Variants in PCDHGA12 observed in about 807,000 individuals in gnomAD.
PCDHGA12 encodes the protein protocadherin gamma-A12.
PCDHGA12 carries 43 observed loss-of-function variants against 61.1 expected under a neutral mutation model. The observed-to-expected ratio is 0.70, with a 90% CI of 0.55 to 0.91. The LOEUF (loss-of-function observed/expected upper bound fraction) is 0.91. Among genes scored for constraint, PCDHGA12 ranks in the 40% least tolerant of loss-of-function variants. The pLI is 0.00. For missense variants in PCDHGA12, 1,236 were observed against 1,227.7 expected, an observed-to-expected ratio of 1.01 and a Z score of -0.10; for synonymous variants, 520 against 542.9, an observed-to-expected ratio of 0.96 and a Z score of 0.59.
chr5:141,504,206 A>C (rs1209911822), intron 2 of PCDHGA12, among the ~76,000 whole-genome samples: 1 of 152,218 alleles, frequency 6.6e-6, no homozygotes, highest in East Asian at 1.9e-4. Context: ...CTGTGGGAAA[A>C]TTCCAAGTAG....
At chr5:141,473,033 G>GGAAA (rs1282468299) in intron 1 of PCDHGA12, among the ~76,000 whole-genome samples, 1 of 146,284 alleles carries the variant, frequency 6.8e-6, no homozygotes, top group African/African-American at 2.5e-5. Flanking sequence ...AAGGAAGGAA[G>GGAAA]GAAAGAAAGA....
chr5:141,461,988 T>A (rs771762127), intron 1 of PCDHGA12, among the ~76,000 whole-genome samples: 1 of 152,170 alleles, frequency 6.6e-6, no homozygotes, highest in Non-Finnish European at 1.5e-5. Flanking sequence ...CACGCCAGGC[T>A]AATTTTGTAT....
At chr5:141,484,790 A>T (rs1562101198) in intron 1 of PCDHGA12, among the ~76,000 whole-genome samples, 1 of 152,076 alleles carries the variant, frequency 6.6e-6, no homozygotes, top group Admixed American at 6.6e-5. Flanking sequence ...CACAGAGATA[A>T]CAACCCGTGG....
intron 1 of PCDHGA12, among the ~76,000 whole-genome samples, chr5:141,462,559 T>G (rs1035231534): frequency 6.6e-6 from 1 of 152,248 alleles, no homozygotes; most frequent in African/African-American, 2.4e-5. Flanking sequence ...CAGTGTTTAC[T>G]GTATTTGCTA....
chr5:141,456,773 G>A (rs1178932462), intron 1 of PCDHGA12, among the ~76,000 whole-genome samples: 6 of 151,980 alleles, frequency 3.9e-5, no homozygotes, highest in African/African-American at 1.2e-4. Context: ...GACCAGCCTG[G>A]CCTACATGGC....
At position 141,477,107 on chromosome 5, in the gene PCDHGA12, C is replaced by A. The variant is rs1431445150; in HGVS notation, c.2425-17700C>A. ...CCAGGCCAAAGACAAGGGCGCCAAT[C>A]CCGAAGGAGCACATTGCAAAGTGTT... On this transcript the variant is annotated intron_variant, in intron 1 of 3. Coordinates refer to ENST00000252085, the MANE Select transcript of PCDHGA12 (RefSeq NM_003735.3). This position sits in a 1 kb window ranked among gnomAD's most constrained non-coding sequence, Gnocchi z 4.9. 1 of 1,614,252 alleles carries A rather than the reference C, an allele frequency of 6.2e-7. No homozygotes were observed. The highest frequency in any genetic ancestry group is 8.5e-7 in the Non-Finnish European group (1 of 1,180,048).
At chr5:141,442,895 A>G (rs1381559903) in intron 1 of PCDHGA12, among the ~76,000 whole-genome samples, 5 of 152,182 alleles carry the variant, frequency 3.3e-5, no homozygotes, top group African/African-American at 1.2e-4. Context: ...CCTGCTTATC[A>G]CTTCTCCTTC....
At position 141,432,459 on chromosome 5, in the gene PCDHGA12, T is replaced by A. The variant is rs1230209932; in HGVS notation, c.1700T>A (p.Leu567His). The A allele has an allele frequency of 1.2e-6, 2 of 1,613,984 alleles. No homozygotes were observed. Among genetic ancestry groups the A allele is most frequent in the South Asian group, 1.1e-5 (1 of 91,082 alleles). The part of the protein sequence containing the change: ...DNAPEILYPA[L>H]PTDGSTGVEL... ...GCGCCCGAGATCCTGTACCCCGCCCTCCCCACGGACGGTTCCACTGGCGTG... is the reference window on the plus strand; with the variant it reads ...GCGCCCGAGATCCTGTACCCCGCCCACCCCACGGACGGTTCCACTGGCGTG... Residue 567 changes from leucine (L) to histidine (H), a missense_variant, in exon 1 of 4, where the codon CTC becomes CAC. Leu to His is a moderately conservative substitution (Grantham distance 99). Transcript: ENST00000252085. The surrounding 1 kb of genome is among the most constrained non-coding windows in gnomAD (Gnocchi z 6.0).
At chr5:141,468,748 C>T (rs2099176836) in intron 1 of PCDHGA12, among the ~76,000 whole-genome samples, 1 of 151,866 alleles carries the variant, frequency 6.6e-6, no homozygotes, top group South Asian at 2.1e-4. Context: ...TGCCTGTAGT[C>T]CCAGCTACTC....
In PCDHGA12 at chr5:141,489,844, C is replaced by A; in HGVS notation, c.2425-4963C>A. 2 of 1,614,148 alleles carry A rather than the reference C, an allele frequency of 1.2e-6. No individual in the cohort carries two copies. Among genetic ancestry groups the A allele is most frequent in the Non-Finnish European group, 1.7e-6 (2 of 1,179,982 alleles). On this transcript the variant is annotated intron_variant, in intron 1 of 3. Coordinates refer to ENST00000252085, the MANE Select transcript of PCDHGA12 (RefSeq NM_003735.3). The surrounding 1 kb of genome is among the most constrained non-coding windows in gnomAD (Gnocchi z 4.5). Reference sequence around the variant, plus strand: ...GCTGGTGCTAGAGCAGCAGCTGGATCGTGAAGCCCAGGCAAGACATCAGCT... The same window carrying A: ...GCTGGTGCTAGAGCAGCAGCTGGATAGTGAAGCCCAGGCAAGACATCAGCT...
At chr5:141,452,554 G>A (rs2098744143) in intron 1 of PCDHGA12, among the ~76,000 whole-genome samples, 1 of 152,140 alleles carries the variant, frequency 6.6e-6, no homozygotes, top group Admixed American at 6.5e-5. Context: ...TCCAGTTCTG[G>A]TTCTTCCTAG....
chr5:141,495,424 A>G (rs927637242), intron 2 of PCDHGA12, among the ~76,000 whole-genome samples: 2 of 152,088 alleles, frequency 1.3e-5, no homozygotes, highest in Non-Finnish European at 2.9e-5. Flanking sequence ...CCCTCCTCCC[A>G]CTGTCCTCTG....
rs767291767 is a variant in PCDHGA12, at chr5:141,487,668, T to C, written c.2425-7139T>C. ...CTTGAGGGTTATTCTGATCCAGGCA[T>C]ATGGCTAGGCCATGTCCTAGAGAGT... is the stretch of plus-strand genomic sequence containing the variant. On this transcript the variant is annotated intron_variant, in intron 1 of 3. Transcript: ENST00000252085. The surrounding 1 kb of genome is among the most constrained non-coding windows in gnomAD (Gnocchi z 5.0). 1.9e-6 allele frequency: 3 copies of C among 1,612,658 alleles called. No homozygotes were observed. Among genetic ancestry groups the C allele is most frequent in the South Asian group, 1.1e-5 (1 of 90,650 alleles).
At chr5:141,509,805 G>A (rs150684746) in intron 3 of PCDHGA12, among the ~76,000 whole-genome samples, 2 of 152,248 alleles carry the variant, frequency 1.3e-5, no homozygotes, top group Middle Eastern at 3.4e-3. Flanking sequence ...GCTTCATAGA[G>A]CCGAGCTCTT....
chr5:141,437,217 T>G (rs2097868672), intron 1 of PCDHGA12, among the ~76,000 whole-genome samples: 1 of 152,230 alleles, frequency 6.6e-6, no homozygotes, highest in Admixed American at 6.5e-5. Flanking sequence ...TTATTCTGAT[T>G]CCAGTCATAA....
At position 141,491,904 on chromosome 5, in the gene PCDHGA12, G is replaced by C; in HGVS notation, c.2425-2903G>C. The C allele has an allele frequency of 7.0e-7, 1 of 1,423,838 alleles. No individual in the cohort carries two copies. The allele number at this position is 1,423,838 out of a possible 1,614,324, so 88.2% of individuals were successfully genotyped here. ...GGATGGGGCTCCGAGCACCGGGGGT[G>C]GTGGCGACTGTGGGCGAGGGGAGGT... On this transcript the variant is annotated intron_variant, in intron 1 of 3. Coordinates refer to ENST00000252085, the MANE Select transcript of PCDHGA12 (RefSeq NM_003735.3). This position sits in a 1 kb window ranked among gnomAD's most constrained non-coding sequence, Gnocchi z 6.9.
intron 1 of PCDHGA12, among the ~76,000 whole-genome samples, chr5:141,469,289 A>G (rs2154570270): frequency 6.6e-6 from 1 of 151,932 alleles, no homozygotes; most frequent in South Asian, 2.1e-4. Flanking sequence ...AAAATAAAAC[A>G]AAATAGACTG....
chr5:141,435,073 G>A (rs535689336), intron 1 of PCDHGA12, among the ~76,000 whole-genome samples: 150 of 151,756 alleles, frequency 9.9e-4, no homozygotes, highest in Middle Eastern at 3.4e-3. Flanking sequence ...TGTGTAGACC[G>A]TCTGATAACA....
chr5:141,445,252 A>G (rs2098461096), intron 1 of PCDHGA12, among the ~76,000 whole-genome samples: 1 of 152,224 alleles, frequency 6.6e-6, no homozygotes, highest in Non-Finnish European at 1.5e-5. Context: ...ATATTGTGTG[A>G]GAATATAAGT....
Sources: gnomAD v4.1 joint callset for allele counts (sites outside exome capture counted in the v4.1 genomes callset) on GRCh38, gnomAD v4.1.1 for gene constraint, Gnocchi (gnomAD v3.1) non-coding constraint, MANE v1.5 for transcripts, NCBI Gene and HGNC (gene_info 2026-07-23, HGNC 2026-07-21) for gene names.